ADAM2: variants seen among roughly 807,000 people sequenced by gnomAD.
The protein encoded by ADAM2 is ADAM metallopeptidase domain 2, also known as disintegrin and metalloproteinase domain-containing protein 2.
Under a neutral mutation model 99.3 loss-of-function variants are expected in ADAM2, and 101 were observed. The observed-to-expected ratio is 1.02, with a 90% CI of 0.87 to 1.20. The LOEUF (loss-of-function observed/expected upper bound fraction) is 1.20, where lower values mean the gene tolerates loss of function less well. Among genes scored for constraint, ADAM2 ranks in the 50% most tolerant of loss-of-function variants. ADAM2 has a pLI of 0.00. For synonymous variants in ADAM2, 323 were observed against 287.6 expected, an observed-to-expected ratio of 1.12 and a Z score of -1.25; for missense variants, 948 against 878.7, an observed-to-expected ratio of 1.08 and a Z score of -1.00.
chr8:39,829,472 G>A (rs1805534171), intron 3 of ADAM2, among the ~76,000 whole-genome samples: 1 of 151,928 alleles, frequency 6.6e-6, no homozygotes, highest in African/African-American at 2.4e-5. Flanking sequence ...GTTACTTACA[G>A]TTAGAGAAAT....
chr8:39,816,200 G>A (rs1284700057), intron 6 of ADAM2, among the ~76,000 whole-genome samples: 1 of 152,152 alleles, frequency 6.6e-6, no homozygotes, highest in Non-Finnish European at 1.5e-5. Flanking sequence ...GGGAGGCTGA[G>A]GCAGGAGAAT....
At chr8:39,829,177 G>A (rs1805523170) in intron 3 of ADAM2, among the ~76,000 whole-genome samples, 1 of 151,830 alleles carries the variant, frequency 6.6e-6, no homozygotes, top group South Asian at 2.1e-4. Context: ...ATATTTTAGA[G>A]GATTATATAA....
intron 7 of ADAM2, among the ~76,000 whole-genome samples, chr8:39,798,299 T>C (rs1051071232): frequency 2.6e-5 from 4 of 152,224 alleles, no homozygotes; most frequent in East Asian, 1.9e-4. Flanking sequence ...GAGATAATCA[T>C]ATGGTTTTTG....
intron 10 of ADAM2, among the ~76,000 whole-genome samples, chr8:39,786,612 A>C (rs1803477054): frequency 6.6e-6 from 1 of 152,158 alleles, no homozygotes; most frequent in Non-Finnish European, 1.5e-5. Context: ...TTTTATTTTA[A>C]TCTGGTTAAT....
chr8:39,832,338 A>G (rs996627881), intron 3 of ADAM2, among the ~76,000 whole-genome samples: 7 of 152,294 alleles, frequency 4.6e-5, no homozygotes, highest in Middle Eastern at 6.8e-3. Context: ...GAAACTAACT[A>G]GTTACCAAGA....
At chr8:39,819,501 AACATT>A (rs1805089944) in intron 6 of ADAM2, among the ~76,000 whole-genome samples, 6 of 152,084 alleles carry the variant, frequency 3.9e-5, no homozygotes, top group Admixed American at 3.9e-4. Context: ...TATTAGGTCA[AACATT>A]AGCCTGGATG....
chr8:39,752,831 C>T (rs887013098), intron 16 of ADAM2, among the ~76,000 whole-genome samples: 70 of 152,134 alleles, frequency 4.6e-4, no homozygotes, highest in African/African-American at 1.5e-3. Flanking sequence ...CCTGCCTCCA[C>T]GTAAGACATG....
chr8:39,755,985 T>G, intron 15 of ADAM2, 74 bp from the exon 16 acceptor site: 1 of 826,566 alleles, frequency 1.2e-6, no homozygotes, highest in South Asian at 2.3e-5. Flanking sequence ...TTAAAATAGA[T>G]AGATTTAAAT....
chr8:39,746,432 A>G, intron 19 of ADAM2, 40 bp downstream of exon 19: 1 of 1,353,890 alleles, frequency 7.4e-7, no homozygotes, highest in Non-Finnish European at 1.0e-6. Context: ...ATGTTCATAA[A>G]TTATACAAAT....
rs944665059 is a variant in ADAM2 at position 39,788,809 on chromosome 8, A to T, written c.571-69T>A. On this transcript the variant is annotated intron_variant, in intron 7 of 20. Coordinates refer to ENST00000265708, the MANE Select transcript of ADAM2 (RefSeq NM_001464.5). ...AACATTTAATGATTGTTATTGTTTC[A>T]TTTAAAATTCAATTTGGTGAAGTAA... The T allele has an allele frequency of 3.5e-6, 3 of 848,364 alleles. No individual in the cohort carries two copies. In the African/African-American group the frequency reaches 5.4e-5, roughly 15 times the overall value. The allele number at this position is 848,364 out of a possible 1,614,324, so 52.6% of individuals were successfully genotyped here. A position where few individuals can be genotyped will look rare whatever the true frequency, so the allele number is the denominator to read the frequency against.
chr8:39,803,471 C>A (rs1020614602), intron 7 of ADAM2, among the ~76,000 whole-genome samples: 1 of 152,162 alleles, frequency 6.6e-6, no homozygotes, highest in African/African-American at 2.4e-5. Flanking sequence ...TCTGTTTTAT[C>A]CCGTACAAGC....
chr8:39,755,265 T>A (rs1802103761), intron 16 of ADAM2, among the ~76,000 whole-genome samples: 1 of 152,206 alleles, frequency 6.6e-6, no homozygotes, highest in Non-Finnish European at 1.5e-5. Context: ...GTCATAGCAA[T>A]GTCATATATG....
intron 11 of ADAM2, among the ~76,000 whole-genome samples, chr8:39,775,057 C>A (rs1424719412): frequency 6.6e-6 from 1 of 152,054 alleles, no homozygotes; most frequent in Non-Finnish European, 1.5e-5. Context: ...GCAATAATGA[C>A]TTCTTTCTGC....
intron 7 of ADAM2, among the ~76,000 whole-genome samples, chr8:39,802,651 C>T (rs1307654904): frequency 6.6e-6 from 1 of 152,138 alleles, no homozygotes; most frequent in African/African-American, 2.4e-5. Flanking sequence ...AGCTGGACAA[C>T]TTGATGTAAA....
chr8:39,801,925 C>A (rs1231448182), intron 7 of ADAM2, among the ~76,000 whole-genome samples: 7 of 152,090 alleles, frequency 4.6e-5, no homozygotes, highest in Admixed American at 2.0e-4. Flanking sequence ...TTCCCCCGCC[C>A]AGGGAGCTTA....
chr8:39,759,507 A>G (rs982978268), intron 15 of ADAM2, among the ~76,000 whole-genome samples: 1 of 152,226 alleles, frequency 6.6e-6, no homozygotes, highest in African/African-American at 2.4e-5. Flanking sequence ...TGAAATTTCA[A>G]TATGAACTAT....
At chr8:39,790,874 T>C (rs182519657) in intron 7 of ADAM2, among the ~76,000 whole-genome samples, 2 of 152,032 alleles carry the variant, frequency 1.3e-5, no homozygotes, top group African/African-American at 2.4e-5. Flanking sequence ...AATATTTTAA[T>C]GTCCCCAATT....
chr8:39,805,817 C>G (rs1165775086), intron 7 of ADAM2, among the ~76,000 whole-genome samples: 1 of 152,194 alleles, frequency 6.6e-6, no homozygotes, highest in Non-Finnish European at 1.5e-5. Context: ...AGGCCAACAT[C>G]ACATCTAAAC....
chr8:39,765,938 TC>T (rs1802550539), intron 14 of ADAM2, among the ~76,000 whole-genome samples: 1 of 152,184 alleles, frequency 6.6e-6, no homozygotes, highest in African/African-American at 2.4e-5. Context: ...TGTCAATTGT[TC>T]CTGATTTTTT....
Sources: gnomAD v4.1 joint callset for allele counts (sites outside exome capture counted in the v4.1 genomes callset) on GRCh38, gnomAD v4.1.1 for gene constraint, MANE v1.5 for transcripts, NCBI Gene and HGNC (gene_info 2026-07-23, HGNC 2026-07-21) for gene names.